MED12L: variants seen among roughly 807,000 people sequenced by gnomAD.
MED12L encodes the protein mediator of RNA polymerase II transcription subunit 12-like protein.
A neutral mutation model predicts 281.3 loss-of-function variants in MED12L; 60 were observed. That is an observed-to-expected ratio of 0.21 (90% CI 0.17 to 0.26). MED12L has a LOEUF of 0.26. Among genes scored for constraint, MED12L ranks in the 10% least tolerant of loss-of-function variants. The probability of loss-of-function intolerance (pLI) is 1.00; values close to 1 mark genes in which losing one functional copy is unlikely to be tolerated. For synonymous variants in MED12L, 974 were observed against 987.2 expected, an observed-to-expected ratio of 0.99 and a Z score of 0.25; for missense variants, 2,146 against 2,680.9, an observed-to-expected ratio of 0.80 and a Z score of 4.41.
chr3:151,392,600 A>G (rs1714413325), intron 38 of MED12L, among the ~76,000 whole-genome samples: 1 of 152,124 alleles, frequency 6.6e-6, no homozygotes. Flanking sequence ...GACAGTATGT[A>G]CAGCATGATT....
intron 2 of MED12L, among the ~76,000 whole-genome samples, chr3:151,106,490 C>CTTAA (rs1722089222): frequency 6.6e-6 from 1 of 152,078 alleles, no homozygotes; most frequent in East Asian, 1.9e-4. Flanking sequence ...CACCTTCTTG[C>CTTAA]TTAAAACCTT....
intron 16 of MED12L, among the ~76,000 whole-genome samples, chr3:151,257,468 A>G (rs922292627): frequency 6.6e-6 from 1 of 152,260 alleles, no homozygotes; most frequent in Non-Finnish European, 1.5e-5. Flanking sequence ...GTCATGGGGC[A>G]CATTACTTAA....
chr3:151,113,732 A>G (rs1002745433), intron 2 of MED12L, among the ~76,000 whole-genome samples: 1 of 152,318 alleles, frequency 6.6e-6, no homozygotes, highest in South Asian at 2.1e-4. Flanking sequence ...TAGATGACAG[A>G]TATGTATCCA....
At chr3:151,219,182 T>G (rs1728831816) in intron 16 of MED12L, among the ~76,000 whole-genome samples, 1 of 152,238 alleles carries the variant, frequency 6.6e-6, no homozygotes, top group Non-Finnish European at 1.5e-5. Context: ...TGTCCCTTAG[T>G]GCAGTGTAAT....
chr3:151,238,619 T>C (rs1209671945), intron 16 of MED12L, among the ~76,000 whole-genome samples: 1 of 152,240 alleles, frequency 6.6e-6, no homozygotes, highest in Non-Finnish European at 1.5e-5. Flanking sequence ...AATGTTCAGG[T>C]GTCTTAGCAC....
At chr3:151,113,769 G>A (rs1295994128) in intron 2 of MED12L, among the ~76,000 whole-genome samples, 2 of 152,144 alleles carry the variant, frequency 1.3e-5, no homozygotes, top group African/African-American at 4.8e-5. Flanking sequence ...TCCTTCTGGG[G>A]ATTCTGAGTT....
intron 16 of MED12L, among the ~76,000 whole-genome samples, chr3:151,237,824 G>C (rs528354609): frequency 6.6e-6 from 1 of 152,112 alleles, no homozygotes; most frequent in East Asian, 1.9e-4. Context: ...AAATGATATG[G>C]GCATCTCTTC....
chr3:151,307,598 G>A (rs1460019770), intron 16 of MED12L, among the ~76,000 whole-genome samples: 1 of 148,846 alleles, frequency 6.7e-6, no homozygotes, highest in Non-Finnish European at 1.5e-5. Flanking sequence ...TAGAGCAGAT[G>A]GGGGGTTGAT....
rs201616670 is a variant in MED12L, at chr3:151,416,299, A to T, written c.6298-13A>T. 3 of 1,612,692 alleles carry T rather than the reference A, an allele frequency of 1.9e-6. No homozygotes were observed. Among genetic ancestry groups the T allele is most frequent in the Non-Finnish European group, 2.5e-6 (3 of 1,179,908 alleles). ...TTCCTTTTAAGTGTATAACATTTTT[A>T]CCCTCTTTCCAGATGCAGCAGCCCC... On this transcript the variant is annotated splice_polypyrimidine_tract_variant and intron_variant, in intron 42 of 44. Transcript: ENST00000687756.
chr3:151,414,660 G>A (rs1454500960), intron 42 of MED12L, among the ~76,000 whole-genome samples: 1 of 151,872 alleles, frequency 6.6e-6, no homozygotes. Context: ...GATGCCATTA[G>A]TAGTAAGATG....
chr3:151,159,761 CTG>C, intron 7 of MED12L, 69 bp from the exon 8 acceptor site: 1 of 1,391,488 alleles, frequency 7.2e-7, no homozygotes, highest in South Asian at 1.5e-5. Context: ...GAAAAAAAGT[CTG>C]TGTTAAAATA....
intron 27 of MED12L, among the ~76,000 whole-genome samples, chr3:151,374,953 C>G (rs552739000): frequency 1.3e-5 from 2 of 151,802 alleles, no homozygotes; most frequent in Admixed American, 6.6e-5. Context: ...AGTGACATAC[C>G]TTATATATTA....
intron 16 of MED12L, among the ~76,000 whole-genome samples, chr3:151,210,573 A>G (rs911325438): frequency 1.3e-5 from 2 of 152,230 alleles, no homozygotes; most frequent in African/African-American, 4.8e-5. Flanking sequence ...AGGTAGTTGA[A>G]TCACTTATGC....
intron 16 of MED12L, among the ~76,000 whole-genome samples, chr3:151,272,196 G>T (rs774040629): frequency 6.6e-6 from 1 of 152,202 alleles, no homozygotes; most frequent in Non-Finnish European, 1.5e-5. Flanking sequence ...CTGGACAATA[G>T]ATGGTTTGTG....
intron 2 of MED12L, among the ~76,000 whole-genome samples, chr3:151,110,627 AGTTTTGT>A (rs1711724356): frequency 6.6e-6 from 1 of 152,172 alleles, no homozygotes; most frequent in Non-Finnish European, 1.5e-5. Flanking sequence ...CCTGACCTAA[AGTTTTGT>A]ACTAATAAAC....
At chr3:151,384,036 G>A (rs1363788392) in intron 34 of MED12L, 47 bp from the exon 35 acceptor site, 12 of 1,575,310 alleles carry the variant, frequency 7.6e-6, no homozygotes, top group Admixed American at 5.3e-5. Flanking sequence ...TTAAATAAGT[G>A]TATTTCAGTT....
chr3:151,407,000 C>T (rs1240459641), intron 39 of MED12L, among the ~76,000 whole-genome samples: 1 of 151,988 alleles, frequency 6.6e-6, no homozygotes, highest in Non-Finnish European at 1.5e-5. Context: ...CAGATTTCAC[C>T]ATGTTGCCCA....
Position 151,096,892 on chromosome 3 carries a change from A to G in MED12L, c.99+9867A>G, listed in dbSNP as rs1720791468. ...TCACGTTGCCCTGGAAATGAGAATCACTCTGCAATTTAGGGCACCCGGTGC... is the reference window on the plus strand; with the variant it reads ...TCACGTTGCCCTGGAAATGAGAATCGCTCTGCAATTTAGGGCACCCGGTGC... On this transcript the variant is annotated intron_variant, in intron 2 of 44. Coordinates refer to ENST00000687756, the MANE Select transcript of MED12L (RefSeq NM_001393769.1). Among the ~76,000 whole-genome samples the G allele has an allele frequency of 2.0e-5, 3 of 152,060 alleles. No homozygotes were observed. The South Asian group carries it at 6.2e-4, about 32-fold the overall frequency.
intron 39 of MED12L, among the ~76,000 whole-genome samples, chr3:151,405,955 A>G (rs1716251943): frequency 6.6e-6 from 1 of 152,274 alleles, no homozygotes; most frequent in Non-Finnish European, 1.5e-5. Flanking sequence ...GTTAACAGAT[A>G]AACTAAATTA....
Sources: gnomAD v4.1 joint callset for allele counts (sites outside exome capture counted in the v4.1 genomes callset) on GRCh38, gnomAD v4.1.1 for gene constraint, MANE v1.5 for transcripts, NCBI Gene and HGNC (gene_info 2026-07-23, HGNC 2026-07-21) for gene names.